Variants in KCNIP4 observed in about 807,000 individuals in gnomAD.
KCNIP4 encodes potassium voltage-gated channel interacting protein 4.
A neutral mutation model predicts 34.0 loss-of-function variants in KCNIP4; 12 were observed. That is an observed-to-expected ratio of 0.35 (90% CI 0.23 to 0.57). The LOEUF (loss-of-function observed/expected upper bound fraction) is 0.57, where lower values mean the gene tolerates loss of function less well. KCNIP4 is among the 20% of genes least tolerant of loss of function. The pLI, the probability that KCNIP4 is intolerant of heterozygous loss-of-function variation, is 0.83. For missense variants in KCNIP4, 238 were observed against 311.7 expected, an observed-to-expected ratio of 0.76 and a Z score of 1.78; for synonymous variants, 124 against 102.2, an observed-to-expected ratio of 1.21 and a Z score of -1.29.
At chr4:21,726,223 A>G (rs1478828129) in intron 1 of KCNIP4, among the ~76,000 whole-genome samples, 1 of 137,758 alleles carries the variant, frequency 7.3e-6, no homozygotes, top group Non-Finnish European at 1.6e-5. Flanking sequence ...CTCATGGATA[A>G]ATAACAAATC....
chr4:21,775,289 G>A lies in KCNIP4; in HGVS notation c.61+173282C>T, dbSNP rs577230971. 3.3e-5 allele frequency among the ~76,000 whole-genome samples: 5 copies of A among 152,234 alleles called. No homozygotes were observed. The South Asian group carries it at 8.3e-4, about 25-fold the overall frequency. The stretch of plus-strand genomic sequence containing the variant: ...TTCATCTGATTCACTCCTGTGCCTG[G>A]AGAGGTCACTCAAGGAGGCTGGAAA... On this transcript the variant is annotated intron_variant, in intron 1 of 8. Coordinates refer to ENST00000382152, the MANE Select transcript of KCNIP4 (RefSeq NM_025221.6).
At chr4:21,380,456 G>GGTGA (rs746207928) in intron 1 of KCNIP4, among the ~76,000 whole-genome samples, 1 of 140,674 alleles carries the variant, frequency 7.1e-6, no homozygotes, top group African/African-American at 2.6e-5. Context: ...AGAGGGAGAG[G>GGTGA]GGGAGAGAGA....
chr4:20,898,623 G>GTT (rs1301457542), intron 1 of KCNIP4, among the ~76,000 whole-genome samples: 2 of 152,162 alleles, frequency 1.3e-5, no homozygotes, highest in African/African-American at 2.4e-5. Context: ...GAGGGCAGAG[G>GTT]TTTTTGTGCT....
At chr4:21,205,619 G>A (rs557483934) in intron 1 of KCNIP4, among the ~76,000 whole-genome samples, 50 of 152,302 alleles carry the variant, frequency 3.3e-4, no homozygotes, top group African/African-American at 1.0e-3. Context: ...AACTTACCAC[G>A]TGCTTTACAA....
intron 1 of KCNIP4, among the ~76,000 whole-genome samples, chr4:21,067,450 C>A (rs1047974878): frequency 2.0e-5 from 3 of 152,080 alleles, no homozygotes; most frequent in Admixed American, 1.3e-4. Flanking sequence ...GCCAGGCAGG[C>A]CCTAGGGTTC....
chr4:21,330,807 A>G lies in KCNIP4; in HGVS notation c.62-448098T>C, dbSNP rs115858412. 6.2e-3 allele frequency among the ~76,000 whole-genome samples: 947 copies of G among 152,252 alleles called. 16 individuals are homozygous for G. Among genetic ancestry groups the G allele is most frequent in the African/African-American group, 0.022 (926 of 41,554 alleles). On this transcript the variant is annotated intron_variant, in intron 1 of 8. Coordinates refer to ENST00000382152, the MANE Select transcript of KCNIP4 (RefSeq NM_025221.6). ...AATTTTAGCAGAATTTTCCAACTCCAGCCTCAGTTGTTTCTTTTTGCTATT... is the reference window on the plus strand; with the variant it reads ...AATTTTAGCAGAATTTTCCAACTCCGGCCTCAGTTGTTTCTTTTTGCTATT...
At chr4:21,761,779 C>A (rs1718074205) in intron 1 of KCNIP4, among the ~76,000 whole-genome samples, 1 of 151,772 alleles carries the variant, frequency 6.6e-6, no homozygotes, top group South Asian at 2.1e-4. Flanking sequence ...TATTGTTTAA[C>A]AACATTAAAA....
chr4:20,843,561 C>G (rs1027429996), intron 3 of KCNIP4, among the ~76,000 whole-genome samples: 10 of 152,192 alleles, frequency 6.6e-5, no homozygotes, highest in African/African-American at 2.4e-4. Flanking sequence ...GAAACCCCGT[C>G]TCTACCAAAA....
chr4:21,450,241 G>C (rs1728401320), intron 1 of KCNIP4, among the ~76,000 whole-genome samples: 1 of 152,082 alleles, frequency 6.6e-6, no homozygotes, highest in African/African-American at 2.4e-5. Context: ...TAAATCTATA[G>C]AGTTCTCAAA....
intron 1 of KCNIP4, among the ~76,000 whole-genome samples, chr4:21,862,815 G>A (rs1725157209): frequency 6.6e-6 from 1 of 152,104 alleles, no homozygotes; most frequent in South Asian, 2.1e-4. Flanking sequence ...CAAAAAATTA[G>A]CCGGGCGTGG....
At chr4:21,794,688 G>T (rs1720512305) in intron 1 of KCNIP4, among the ~76,000 whole-genome samples, 1 of 152,084 alleles carries the variant, frequency 6.6e-6, no homozygotes, top group South Asian at 2.1e-4. Context: ...TCAGCAGTTT[G>T]TGACCAGTCT....
At chr4:20,960,064 T>C (rs929948424) in intron 1 of KCNIP4, among the ~76,000 whole-genome samples, 2 of 152,184 alleles carry the variant, frequency 1.3e-5, no homozygotes, top group African/African-American at 4.8e-5. Context: ...AAAAGTTCCA[T>C]AACAAATAAA....
chr4:21,255,190 C>T (rs1045350835), intron 1 of KCNIP4, among the ~76,000 whole-genome samples: 11 of 152,064 alleles, frequency 7.2e-5, no homozygotes, highest in African/African-American at 2.7e-4. Flanking sequence ...CTTCTCACTA[C>T]CTGAGCACCC....
intron 1 of KCNIP4, among the ~76,000 whole-genome samples, chr4:21,048,889 G>C (rs992434921): frequency 6.6e-6 from 1 of 150,568 alleles, no homozygotes; most frequent in East Asian, 2.0e-4. Context: ...TGCATGGAGA[G>C]AGAGAGAGAG....
At chr4:21,505,839 A>G (rs1275618244) in intron 1 of KCNIP4, among the ~76,000 whole-genome samples, 2 of 152,300 alleles carry the variant, frequency 1.3e-5, no homozygotes, top group East Asian at 3.9e-4. Context: ...GTGGTGGCTC[A>G]TGCCTGTAAT....
chr4:21,106,624 T>G (rs1748567407), intron 1 of KCNIP4, among the ~76,000 whole-genome samples: 2 of 151,608 alleles, frequency 1.3e-5, no homozygotes, highest in Non-Finnish European at 2.9e-5. Context: ...TTTAGTTATT[T>G]CCTGCCTTCT....
intron 1 of KCNIP4, among the ~76,000 whole-genome samples, chr4:21,142,150 CAA>C (rs369182504): frequency 0.3 from 31,397 of 105,482 alleles, 3,054 homozygotes; most frequent in African/African-American, 0.38. Flanking sequence ...GACACCGTCT[CAA>C]AAAAAAAAAA....
At chr4:20,957,741 T>C (rs1733462654) in intron 1 of KCNIP4, among the ~76,000 whole-genome samples, 1 of 152,212 alleles carries the variant, frequency 6.6e-6, no homozygotes, top group Non-Finnish European at 1.5e-5. Flanking sequence ...ACTATTATAG[T>C]TATTTTAAGT....
In KCNIP4 at chr4:21,694,779, A is replaced by G. The variant is rs1038378256; in HGVS notation, c.61+253792T>C. On this transcript the variant is annotated intron_variant, in intron 1 of 8. Coordinates refer to ENST00000382152, the MANE Select transcript of KCNIP4 (RefSeq NM_025221.6). ...ACAAAAATTTCTTTGCACTTCCAAT[A>G]TTCTATGTTTGTATAAATGGCCCAT... 5.3e-5 allele frequency among the ~76,000 whole-genome samples: 8 copies of G among 151,978 alleles called. No individual in the cohort carries two copies. In the East Asian group the frequency reaches 1.5e-3, roughly 29 times the overall value.
Sources: gnomAD v4.1 joint callset for allele counts (sites outside exome capture counted in the v4.1 genomes callset) on GRCh38, gnomAD v4.1.1 for gene constraint, MANE v1.5 for transcripts, NCBI Gene and HGNC (gene_info 2026-07-23, HGNC 2026-07-21) for gene names.